Variants in OR1L6 observed in about 807,000 individuals in gnomAD.
OR1L6 encodes olfactory receptor 1L6.
Under a neutral mutation model 3.0 loss-of-function variants are expected in OR1L6, and 2 were observed. The observed-to-expected ratio is 0.68, with a 90% CI of 0.28 to 2.13. The LOEUF (loss-of-function observed/expected upper bound fraction) is 2.13. Among genes scored for constraint, OR1L6 ranks in the 30% most tolerant of loss-of-function variants. OR1L6 has a pLI of 0.14. For missense variants in OR1L6, 304 were observed against 378.4 expected, an observed-to-expected ratio of 0.80 and a Z score of 1.63; for synonymous variants, 121 against 148.4, an observed-to-expected ratio of 0.82 and a Z score of 1.34.
In OR1L6 at chr9:122,749,982, C is replaced by T. The variant is rs1188830573; in HGVS notation, c.135C>T (p.Leu45=). The T allele has an allele frequency of 6.2e-7, 1 of 1,614,028 alleles. No homozygotes were observed. The highest frequency in any genetic ancestry group is 1.3e-5 in the African/African-American group (1 of 74,910). ...MYLLAAVGNV[L]IIPAIYSDPR... is the part of the protein sequence containing the mutation. ...TGCTCGCTGCGGTGGGGAATGTGCT[C>T]ATCATCCCGGCCATCTACTCTGACC... is the stretch of plus-strand genomic sequence containing the variant. The change falls in exon 2 of 2, where the codon CTC becomes CTT. Residue 45 remains leucine, a synonymous_variant. Coordinates refer to ENST00000304720, the MANE Select transcript of OR1L6 (RefSeq NM_001004453.3).
At chr9:122,745,876 TTTA>T (rs1040859409) in intron 1 of OR1L6, among the ~76,000 whole-genome samples, 3 of 152,206 alleles carry the variant, frequency 2.0e-5, no homozygotes, top group African/African-American at 7.2e-5. Context: ...TTATTCTTTT[TTTA>T]TTATTATACT....
At chr9:122,745,658 C>T (rs1828829691) in intron 1 of OR1L6, among the ~76,000 whole-genome samples, 1 of 151,808 alleles carries the variant, frequency 6.6e-6, no homozygotes, top group Non-Finnish European at 1.5e-5. Flanking sequence ...ATGATCCGCC[C>T]GCCTCGGCCT....
chr9:122,746,904 G>C (rs976372434), intron 1 of OR1L6, among the ~76,000 whole-genome samples: 3 of 152,062 alleles, frequency 2.0e-5, no homozygotes, highest in African/African-American at 4.8e-5. Flanking sequence ...CTTTGCCTAT[G>C]ATCTCTTTTG....
intron 1 of OR1L6, among the ~76,000 whole-genome samples, chr9:122,744,325 C>T (rs1828814738): frequency 6.6e-6 from 1 of 152,106 alleles, no homozygotes; most frequent in Non-Finnish European, 1.5e-5. Context: ...TCCCCGGTTT[C>T]ATTTGGGCTG....
chr9:122,747,183 T>C (rs781422232), intron 1 of OR1L6, among the ~76,000 whole-genome samples: 3 of 152,132 alleles, frequency 2.0e-5, no homozygotes, highest in Non-Finnish European at 1.5e-5. Flanking sequence ...CATTCTTTCT[T>C]TGATGCTATT....
intron 1 of OR1L6, among the ~76,000 whole-genome samples, chr9:122,747,229 T>C (rs929009817): frequency 1.3e-5 from 2 of 152,134 alleles, no homozygotes; most frequent in Admixed American, 1.3e-4. Context: ...GATAAATTAC[T>C]GTCTCTATAT....
intron 1 of OR1L6, among the ~76,000 whole-genome samples, chr9:122,748,012 T>C (rs1342844731): frequency 3.3e-5 from 5 of 152,176 alleles, no homozygotes; most frequent in Admixed American, 6.5e-5. Flanking sequence ...AAAAGGATGT[T>C]ATAATTTTAT....
In OR1L6 at chr9:122,750,344, G is replaced by T. The variant is rs142557976; in HGVS notation, c.497G>T (p.Arg166Leu). 9.3e-6 allele frequency: 15 copies of T among 1,613,542 alleles called. No individual in the cohort carries two copies. The South Asian group carries it at 1.6e-4, about 18-fold the overall frequency. ...CTGTTCCGCGTGCTACTTATGTCTC[G>T]CTTGTCTTTCTGTGCCTCTCACATC... ...HSLFRVLLMS[R>L]LSFCASHIIK... The change falls in exon 2 of 2, where the codon CGC (arginine) becomes CTC (leucine). Residue 166 changes from arginine (R) to leucine (L), a missense_variant. Around this residue, in one of 3 missense-constraint regions of OR1L6, gnomAD observed 192 missense variants for 242.7 expected, o/e 0.79. Transcript: ENST00000304720.
chr9:122,747,617 T>G (rs1317724968), intron 1 of OR1L6, among the ~76,000 whole-genome samples: 1 of 152,104 alleles, frequency 6.6e-6, no homozygotes, highest in Non-Finnish European at 1.5e-5. Flanking sequence ...TAAATCTTAC[T>G]CATTTATTTT....
chr9:122,747,739 T>C (rs1828850203), intron 1 of OR1L6, among the ~76,000 whole-genome samples: 4 of 152,058 alleles, frequency 2.6e-5, no homozygotes, highest in Admixed American at 6.5e-5. Context: ...TATATTTAAT[T>C]TTATCTGGTT....
chr9:122,750,061 A>G lies in OR1L6; in HGVS notation c.214A>G (p.Ile72Val), dbSNP rs760331356. ...TCTCAGCAACTTGTCTTTCATGGAT[A>G]TCTGCTTCACAACAGTCATAGTGCC... ...FFLSNLSFMD[I>V]CFTTVIVPKM... is the part of the protein sequence containing the mutation. The change falls in exon 2 of 2, where the codon ATC (isoleucine) becomes GTC (valine). Residue 72 changes from isoleucine to valine, a missense_variant. Physicochemically the swap from Ile to Val is conservative, Grantham distance 29. Transcript: ENST00000304720. 11 of 1,614,002 alleles carry G rather than the reference A, an allele frequency of 6.8e-6. No individual in the cohort carries two copies. The Admixed American group carries it at 1.7e-4, about 24-fold the overall frequency.
At chr9:122,744,298 G>A (rs927240948) in intron 1 of OR1L6, among the ~76,000 whole-genome samples, 3 of 152,168 alleles carry the variant, frequency 2.0e-5, no homozygotes, top group African/African-American at 7.2e-5. Context: ...AGTGCATTGT[G>A]TGCTGACAAT....
intron 1 of OR1L6, 113 bp from the exon 2 acceptor site, chr9:122,749,717 AAAAAC>A: frequency 2.0e-6 from 2 of 1,014,982 alleles, no homozygotes; most frequent in Non-Finnish European, 3.0e-6. Context: ...CAAAGAAAAA[AAAAAC>A]AACCGTAACA....
At position 122,750,611 on chromosome 9, in the gene OR1L6, G is replaced by A. The variant is rs201741361; in HGVS notation, c.764G>A (p.Ser255Asn). 149 of 1,614,024 alleles carry A rather than the reference G, an allele frequency of 9.2e-5. No individual in the cohort carries two copies. The highest frequency in any genetic ancestry group is 1.2e-4 in the Non-Finnish European group (147 of 1,180,038). Residue 255 changes from serine (S) to asparagine (N), a missense_variant, in exon 2 of 2, where the codon AGT becomes AAT. Transcript: ENST00000304720. ...HLTAVALFYGSIIYVYFRPLS... is the reference protein window; with the variant it reads ...HLTAVALFYGNIIYVYFRPLS... ...ACTGCAGTAGCCCTTTTCTATGGGA[G>A]TATTATTTATGTCTATTTTAGGCCC...
chr9:122,745,290 A>G (rs909340100), intron 1 of OR1L6, among the ~76,000 whole-genome samples: 7 of 152,204 alleles, frequency 4.6e-5, no homozygotes, highest in Middle Eastern at 6.8e-3. Context: ...CCTCATTCCT[A>G]TATGCAGTGT....
At chr9:122,749,784 G>T in intron 1 of OR1L6, 51 bp from the exon 2 acceptor site, 4 of 1,510,574 alleles carry the variant, frequency 2.6e-6, no homozygotes, top group South Asian at 1.1e-5. Flanking sequence ...AAGCTGTCTT[G>T]GTCAAACTGC....
chr9:122,748,689 C>T (rs956815484), intron 1 of OR1L6, among the ~76,000 whole-genome samples: 1 of 152,172 alleles, frequency 6.6e-6, no homozygotes, highest in Non-Finnish European at 1.5e-5. Flanking sequence ...TTACTCCTGA[C>T]CCCCACTTCT....
At chr9:122,742,810 G>T (rs558960039) in intron 1 of OR1L6, among the ~76,000 whole-genome samples, 6 of 152,284 alleles carry the variant, frequency 3.9e-5, no homozygotes, top group Admixed American at 6.5e-5. Context: ...AAGACTAAAT[G>T]ACTTAGTGTA....
intron 1 of OR1L6, among the ~76,000 whole-genome samples, chr9:122,748,386 C>G (rs1472161729): frequency 6.6e-6 from 1 of 151,766 alleles, no homozygotes; most frequent in Non-Finnish European, 1.5e-5. Flanking sequence ...GACCCAGAAA[C>G]CACTTCCTCT....
Sources: allele counts gnomAD v4.1 joint callset (sites outside exome capture counted in the v4.1 genomes callset), GRCh38; gene constraint gnomAD v4.1.1; regional missense constraint gnomAD v4.1.1; transcripts MANE v1.5; gene names NCBI Gene and HGNC (gene_info 2026-07-23, HGNC 2026-07-21).